The following MACROD2 variants were observed in gnomAD, a reference collection of about 807,000 sequenced individuals.
The protein encoded by MACROD2 is mono-ADP ribosylhydrolase 2.
MACROD2 carries 36 observed loss-of-function variants against 70.4 expected under a neutral mutation model. The ratio of observed to expected loss-of-function variants is 0.51; its 90% confidence interval spans 0.39 to 0.68. The LOEUF (loss-of-function observed/expected upper bound fraction) is 0.68. MACROD2 is among the 30% of genes least tolerant of loss of function. The pLI is 0.00. For synonymous variants in MACROD2, 172 were observed against 178.8 expected (o/e 0.96, Z 0.30); for missense variants, 496 against 538.4 (o/e 0.92, Z 0.78).
chr20:14,944,430 A>T (rs2074413760), intron 5 of MACROD2, among the ~76,000 whole-genome samples: 1 of 152,154 alleles, frequency 6.6e-6, no homozygotes, highest in African/African-American at 2.4e-5. Flanking sequence ...CTAAATTGGA[A>T]ATTGTATACT....
intron 5 of MACROD2, among the ~76,000 whole-genome samples, chr20:15,148,687 T>A (rs11697473): frequency 0.2 from 30,320 of 151,876 alleles, 4,180 homozygotes; most frequent in Non-Finnish European, 0.3. Context: ...AAAAGGAGTG[T>A]CTATACAGGA....
intron 5 of MACROD2, among the ~76,000 whole-genome samples, chr20:14,712,756 A>AT (rs1600574360): frequency 6.6e-6 from 1 of 152,048 alleles, no homozygotes; most frequent in Non-Finnish European, 1.5e-5. Context: ...TTTTCTTTTG[A>AT]TTTTTAATCT....
intron 3 of MACROD2, among the ~76,000 whole-genome samples, chr20:14,460,212 A>G (rs889672302): frequency 9.2e-5 from 14 of 152,108 alleles, no homozygotes; most frequent in African/African-American, 3.4e-4. Flanking sequence ...TTATAGTAGA[A>G]TGATTTATAA....
At chr20:14,440,137 T>A (rs1446478301) in intron 3 of MACROD2, among the ~76,000 whole-genome samples, 1 of 152,198 alleles carries the variant, frequency 6.6e-6, no homozygotes, top group Non-Finnish European at 1.5e-5. Context: ...CTCCCTGGAA[T>A]TGGCTTCTGA....
intron 6 of MACROD2, among the ~76,000 whole-genome samples, chr20:15,303,977 A>G (rs2077671886): frequency 6.6e-6 from 1 of 152,090 alleles, no homozygotes; most frequent in Non-Finnish European, 1.5e-5. Flanking sequence ...GTATCCCCCA[A>G]TTTAATTATT....
intron 3 of MACROD2, among the ~76,000 whole-genome samples, chr20:14,096,364 CTTTTT>C (rs71335950): frequency 8.5e-6 from 1 of 118,092 alleles, no homozygotes; most frequent in South Asian, 2.7e-4. Context: ...GTTATTTTAC[CTTTTT>C]TTTTTTTTTT....
At chr20:16,020,272 C>T (rs911549979) in intron 15 of MACROD2, among the ~76,000 whole-genome samples, 2 of 152,078 alleles carry the variant, frequency 1.3e-5, no homozygotes, top group African/African-American at 4.8e-5. Flanking sequence ...CAGCCCTGTG[C>T]CTTCTGCTCT....
chr20:15,358,029 C>G (rs1425662152), intron 6 of MACROD2, among the ~76,000 whole-genome samples: 3 of 152,002 alleles, frequency 2.0e-5, no homozygotes, highest in Non-Finnish European at 4.4e-5. Context: ...AGGATGGTCT[C>G]TATCTCCTGA....
intron 8 of MACROD2, among the ~76,000 whole-genome samples, chr20:15,755,079 G>C (rs1340320936): frequency 6.6e-6 from 1 of 152,106 alleles, no homozygotes; most frequent in Non-Finnish European, 1.5e-5. Flanking sequence ...GGCTGGTCTT[G>C]AACTCCTAAC....
At chr20:14,764,717 G>A (rs2072062933) in intron 5 of MACROD2, among the ~76,000 whole-genome samples, 1 of 152,136 alleles carries the variant, frequency 6.6e-6, no homozygotes, top group African/African-American at 2.4e-5. Flanking sequence ...GTACTGCTGA[G>A]CTTAGAAGGG....
intron 3 of MACROD2, among the ~76,000 whole-genome samples, chr20:14,366,748 C>A (rs573351304): frequency 3.3e-4 from 50 of 152,224 alleles, no homozygotes; most frequent in African/African-American, 1.1e-3. Flanking sequence ...CATGGAGTAT[C>A]TTTTCTCATT....
chr20:15,606,549 T>C (rs1344010463), intron 8 of MACROD2, among the ~76,000 whole-genome samples: 1 of 152,228 alleles, frequency 6.6e-6, no homozygotes, highest in Non-Finnish European at 1.5e-5. Flanking sequence ...ATGGTATTTG[T>C]GTCCCAACGC....
intron 7 of MACROD2, among the ~76,000 whole-genome samples, chr20:15,470,145 G>A (rs1468248373): frequency 6.6e-6 from 1 of 152,150 alleles, no homozygotes; most frequent in Non-Finnish European, 1.5e-5. Context: ...CGCCTGCCGG[G>A]TTCAAGCAAT....
intron 12 of MACROD2, among the ~76,000 whole-genome samples, chr20:15,948,532 CTT>C (rs1487878837): frequency 2.0e-5 from 3 of 150,576 alleles, no homozygotes; most frequent in Admixed American, 6.6e-5. Flanking sequence ...TCAGAATTCT[CTT>C]GTTTCAGAAG....
chr20:14,202,884 A>G (rs1478841025), intron 3 of MACROD2, among the ~76,000 whole-genome samples: 1 of 152,170 alleles, frequency 6.6e-6, no homozygotes, highest in East Asian at 1.9e-4. Context: ...CCCCGTCTCT[A>G]TTAAAAATAC....
chr20:15,468,383 A>T (rs1339380790), intron 7 of MACROD2, among the ~76,000 whole-genome samples: 2 of 152,232 alleles, frequency 1.3e-5, no homozygotes, highest in Non-Finnish European at 2.9e-5. Context: ...ACTACAAACG[A>T]AACCAATATC....
At chr20:15,675,023 G>T (rs1374967254) in intron 8 of MACROD2, among the ~76,000 whole-genome samples, 2 of 152,100 alleles carry the variant, frequency 1.3e-5, no homozygotes, top group Admixed American at 1.3e-4. Context: ...AGTTATATTG[G>T]TTTTAATGTT....
rs545586559 is a variant in MACROD2, at chr20:14,780,444, C to T, written c.418+95485C>T. ...GGGCGTGGTGACGCATGCCGGTAAT[C>T]CCAGCTACTCGGGAGGCTGAGGCAG... On this transcript the variant is annotated intron_variant, in intron 5 of 17. Coordinates refer to ENST00000684519, the MANE Select transcript of MACROD2 (RefSeq NM_001351661.2). Among the ~76,000 whole-genome samples, 4 of 151,918 alleles carry T rather than the reference C, an allele frequency of 2.6e-5. No homozygotes were observed. In the South Asian group the frequency reaches 6.2e-4, roughly 24 times the overall value.
rs1029592533 is a variant in MACROD2 at position 14,509,420 on chromosome 20, G to A, written c.301+15912G>A. On this transcript the variant is annotated intron_variant, in intron 4 of 17. Coordinates refer to ENST00000684519, the MANE Select transcript of MACROD2 (RefSeq NM_001351661.2). Reference sequence around the variant, plus strand: ...CTAGATATACAAAGATGAATAAAATGAGCTATTCCTTGCCCAATAGAAGTT... The same window carrying A: ...CTAGATATACAAAGATGAATAAAATAAGCTATTCCTTGCCCAATAGAAGTT... Among the ~76,000 whole-genome samples, 3 of 151,976 alleles carry A rather than the reference G, an allele frequency of 2.0e-5. No individual in the cohort carries two copies. The East Asian group carries it at 5.8e-4, about 29-fold the overall frequency.
Sources: gnomAD v4.1 joint callset for allele counts (sites outside exome capture counted in the v4.1 genomes callset) on GRCh38, gnomAD v4.1.1 for gene constraint, MANE v1.5 for transcripts, NCBI Gene and HGNC (gene_info 2026-07-23, HGNC 2026-07-21) for gene names.